Variants in MROH9 observed in about 807,000 individuals in gnomAD.
MROH9 encodes maestro heat like repeat family member 9, also known as maestro heat-like repeat-containing protein family member 9.
In MROH9, 92 loss-of-function variants were observed where a neutral mutation model predicts 98.2. The ratio of observed to expected loss-of-function variants is 0.94; its 90% CI spans 0.79 to 1.11. The LOEUF is 1.11. Among genes scored for constraint, MROH9 ranks in the 50% most tolerant of loss-of-function variants. The probability of loss-of-function intolerance (pLI) is 0.00; values close to 1 mark genes in which losing one functional copy is unlikely to be tolerated. For missense variants in MROH9, 1,057 were observed against 1,014.8 expected (o/e 1.04, Z -0.57); for synonymous variants, 397 against 368.9 (o/e 1.08, Z -0.87).
chr1:170,962,812 T>C (rs61815975), intron 6 of MROH9, among the ~76,000 whole-genome samples: 12,138 of 152,006 alleles, frequency 0.08, 621 homozygotes, highest in Non-Finnish European at 0.11. Flanking sequence ...CCTTACACCA[T>C]ATACAAAAAT....
intron 8 of MROH9, among the ~76,000 whole-genome samples, chr1:170,977,662 A>AAG (rs1650762402): frequency 6.6e-6 from 1 of 152,048 alleles, no homozygotes; most frequent in Admixed American, 6.5e-5. Context: ...TTTCCCACTT[A>AAG]AGTGTTGGCT....
At chr1:170,962,424 A>G (rs1205927341) in intron 6 of MROH9, among the ~76,000 whole-genome samples, 2 of 152,132 alleles carry the variant, frequency 1.3e-5, no homozygotes, top group Non-Finnish European at 2.9e-5. Context: ...AAGGCCTAAC[A>G]ACAATTCAAA....
chr1:171,018,704 G>A (rs1652410052), intron 17 of MROH9, among the ~76,000 whole-genome samples: 1 of 152,188 alleles, frequency 6.6e-6, no homozygotes, highest in African/African-American at 2.4e-5. Context: ...GTTTACAGAG[G>A]AAAATAAATG....
intron 15 of MROH9, among the ~76,000 whole-genome samples, chr1:171,008,147 T>A (rs1214282560): frequency 6.6e-6 from 1 of 152,216 alleles, no homozygotes; most frequent in Non-Finnish European, 1.5e-5. Context: ...GACAGTTAAC[T>A]TTTATTGGAG....
intron 20 of MROH9, among the ~76,000 whole-genome samples, chr1:171,029,826 G>A (rs1652847883): frequency 6.6e-6 from 1 of 152,132 alleles, no homozygotes; most frequent in Non-Finnish European, 1.5e-5. Flanking sequence ...AGTTAGGGAG[G>A]AGTCCCTCCT....
At chr1:170,966,320 G>A (rs1650234029) in intron 7 of MROH9, among the ~76,000 whole-genome samples, 1 of 151,966 alleles carries the variant, frequency 6.6e-6, no homozygotes, top group Non-Finnish European at 1.5e-5. Context: ...TGACATCATG[G>A]CCTGCCTTCT....
Position 170,986,464 on chromosome 1 carries a change from T to C in MROH9, c.730-97T>C, listed in dbSNP as rs569956368. 5.2e-5 allele frequency: 69 copies of C among 1,323,016 alleles called. No individual in the cohort carries two copies. In the African/African-American group the frequency reaches 9.7e-4, roughly 19 times the overall value. The allele number at this position is 1,323,016 out of a possible 1,614,324, so 82.0% of individuals were successfully genotyped here. On this transcript the variant is annotated intron_variant, in intron 9 of 21. Transcript: ENST00000367759. ...ATGGCCCACGGAAGACTTGTGGCCC[T>C]GCTTGGCTCTTGAGCATCCCCCACC...
intron 20 of MROH9, among the ~76,000 whole-genome samples, chr1:171,042,091 T>C (rs1653326102): frequency 6.6e-6 from 1 of 152,046 alleles, no homozygotes; most frequent in Non-Finnish European, 1.5e-5. Context: ...TCTTTGTAAC[T>C]ATTATTCTGT....
rs116251875 is a variant in MROH9 at position 170,983,456 on chromosome 1, T to C, written c.651T>C (p.Ser217=). The change falls in exon 9 of 22, where the codon AGT becomes AGC. Residue 217 remains serine (S), a synonymous_variant. Transcript: ENST00000367759. ...CAAATAAGCCTACAAACGGTAAAAG[T>C]CATAGCCTCCAGTTTCCTTCTTCTG... is the stretch of plus-strand genomic sequence containing the variant. ...IGTNKPTNGK[S]HSLQFPSSDV... 5.2e-4 allele frequency: 836 copies of C among 1,613,128 alleles called. 8 individuals carry two copies. In the African/African-American group the frequency reaches 9.8e-3, roughly 19 times the overall value.
chr1:170,937,472 T>G (rs1160427521), intron 1 of MROH9, among the ~76,000 whole-genome samples: 1 of 151,908 alleles, frequency 6.6e-6, no homozygotes, highest in African/African-American at 2.4e-5. Context: ...CTCATAATTA[T>G]TACAGTCTTC....
rs931966834 is a variant in MROH9, at chr1:170,995,477, T to C, written c.1283T>C (p.Met428Thr). 4.3e-6 allele frequency: 7 copies of C among 1,613,306 alleles called. No individual in the cohort carries two copies. In the African/African-American group the frequency reaches 6.7e-5, roughly 15 times the overall value. Residue 428 changes from methionine (M) to threonine (T), a missense_variant, in exon 13 of 22, where the codon ATG (methionine) becomes ACG (threonine). Transcript: ENST00000367759. ...TTCCCCCAGCTCTTGACGACTCTTATGTTCCAAGTCTTCTACAACAGTGAG... is the reference window on the plus strand; with the variant it reads ...TTCCCCCAGCTCTTGACGACTCTTACGTTCCAAGTCTTCTACAACAGTGAG... The part of the protein sequence containing the change: ...QYFPQLLTTL[M>T]FQVFYNSELK...
In MROH9 at chr1:170,986,469, G is replaced by C. The variant is rs370620927; in HGVS notation, c.730-92G>C. 4.9e-4 allele frequency: 663 copies of C among 1,360,968 alleles called. 7 individuals are homozygous for C. The East Asian group carries it at 0.015, about 30-fold the overall frequency. 84.3% of individuals were successfully genotyped at this position (1,360,968 alleles called of 1,614,324 possible). A position where few individuals can be genotyped will look rare whatever the true frequency, so the allele number is the denominator to read the frequency against. On this transcript the variant is annotated intron_variant, in intron 9 of 21. Transcript: ENST00000367759. ...CCACGGAAGACTTGTGGCCCTGCTT[G>C]GCTCTTGAGCATCCCCCACCATGTC...
intron 20 of MROH9, among the ~76,000 whole-genome samples, chr1:171,041,346 GATGTGT>G (rs1653291126): frequency 1.8e-5 from 1 of 56,726 alleles, no homozygotes; most frequent in African/African-American, 6.6e-5. Flanking sequence ...AGTATTCCAT[GATGTGT>G]GTGTGTGTGT....
intron 1 of MROH9, among the ~76,000 whole-genome samples, chr1:170,944,655 G>A (rs1361290464): frequency 2.0e-5 from 3 of 152,008 alleles, no homozygotes; most frequent in Non-Finnish European, 4.4e-5. Context: ...TGAATTTCAG[G>A]CTTTAAAATA....
intron 8 of MROH9, among the ~76,000 whole-genome samples, chr1:170,977,793 A>G (rs1414991820): frequency 8.5e-5 from 13 of 152,160 alleles, no homozygotes; most frequent in Non-Finnish European, 1.5e-4. Context: ...AGTGTGGCCA[A>G]GGATCTTTTA....
chr1:170,944,761 G>C (rs544528534), intron 1 of MROH9, among the ~76,000 whole-genome samples: 7 of 151,886 alleles, frequency 4.6e-5, no homozygotes, highest in Non-Finnish European at 5.9e-5. Flanking sequence ...AAATCTATGT[G>C]GTAAGTAGAA....
chr1:170,995,088 G>A (rs560405811), intron 12 of MROH9, among the ~76,000 whole-genome samples: 1 of 152,156 alleles, frequency 6.6e-6, no homozygotes, highest in African/African-American at 2.4e-5. Flanking sequence ...TGGCCACATA[G>A]GAAGGGGACC....
chr1:170,965,469 C>G (rs933890828), intron 7 of MROH9, among the ~76,000 whole-genome samples: 1 of 152,102 alleles, frequency 6.6e-6, no homozygotes, highest in Non-Finnish European at 1.5e-5. Context: ...ACGCATCATG[C>G]TTTATGCAAA....
chr1:170,957,802 T>TC, intron 3 of MROH9, among the ~76,000 whole-genome samples: 1 of 134,022 alleles, frequency 7.5e-6, no homozygotes, highest in South Asian at 2.4e-4. Context: ...TTTGTTTTTT[T>TC]TTTTTTTGTT....
Sources: allele counts gnomAD v4.1 joint callset (sites outside exome capture counted in the v4.1 genomes callset), GRCh38; gene constraint gnomAD v4.1.1; transcripts MANE v1.5; gene names NCBI Gene and HGNC (gene_info 2026-07-23, HGNC 2026-07-21).